PRCP: variants seen among roughly 807,000 people sequenced by gnomAD.
PRCP encodes prolylcarboxypeptidase.
A neutral mutation model predicts 54.2 loss-of-function variants in PRCP; 46 were observed. That is an observed-to-expected ratio of 0.85 (90% CI 0.67 to 1.09). PRCP has a LOEUF of 1.09. PRCP is among the 50% of genes least tolerant of loss of function. PRCP has a pLI of 0.00. For synonymous variants in PRCP, 240 were observed against 212.2 expected, an observed-to-expected ratio of 1.13 and a Z score of -1.14; for missense variants, 613 against 596.8, an observed-to-expected ratio of 1.03 and a Z score of -0.28.
intron 8 of PRCP, chr11:82,835,478 C>T (rs1858498159): frequency 4.5e-6 from 1 of 223,552 alleles, no homozygotes; most frequent in Non-Finnish European, 8.8e-6. Flanking sequence ...TGTCCGAGTT[C>T]CCATGTGCTA....
intron 1 of PRCP, among the ~76,000 whole-genome samples, chr11:82,861,881 T>A (rs1229361208): frequency 6.6e-6 from 1 of 152,142 alleles, no homozygotes; most frequent in Non-Finnish European, 1.5e-5. Flanking sequence ...AATGTGTAAT[T>A]TTAATATGGA....
chr11:82,887,141 T>C (rs1022757591), intron 1 of PRCP, among the ~76,000 whole-genome samples: 1 of 152,210 alleles, frequency 6.6e-6, no homozygotes, highest in Non-Finnish European at 1.5e-5. Context: ...TCTCCCTTCT[T>C]CTAGTTCACT....
chr11:82,883,712 A>G (rs2121249020), intron 1 of PRCP, among the ~76,000 whole-genome samples: 1 of 152,348 alleles, frequency 6.6e-6, no homozygotes, highest in South Asian at 2.1e-4. Context: ...GTGTGTAAGC[A>G]AAGATGAGAC....
chr11:82,855,394 G>A (rs1436890197), intron 2 of PRCP, among the ~76,000 whole-genome samples: 5 of 151,878 alleles, frequency 3.3e-5, no homozygotes, highest in African/African-American at 1.2e-4. Flanking sequence ...TGAGGTGGGC[G>A]GATCACAAGG....
chr11:82,850,639 T>C (rs1858933374), intron 3 of PRCP, 134 bp from the exon 4 acceptor site: 1 of 584,246 alleles, frequency 1.7e-6, no homozygotes, highest in Non-Finnish European at 2.6e-6. Flanking sequence ...TGAGCTAAAA[T>C]GCCTAGTCAA....
chr11:82,849,955 A>G lies in PRCP; in HGVS notation c.710T>C (p.Ile237Thr). 6.5e-7 allele frequency: 1 copy of G among 1,532,714 alleles called. No homozygotes were observed. The highest frequency in any genetic ancestry group is 1.3e-5 in the South Asian group (1 of 78,236). The allele number at this position is 1,532,714 out of a possible 1,614,324, so 94.9% of individuals were successfully genotyped here. A position where few individuals can be genotyped will look rare whatever the true frequency, so the allele number is the denominator to read the frequency against. ...ATTAATGGCATCCCAGGACCTGTGG[A>G]TGCTCTCTGAACAATGTGGACCGCT... ...RKSGPHCSES[I>T]HRSWDAINRL... Residue 237 changes from isoleucine to threonine, a missense_variant, in exon 5 of 9, where the codon ATC (isoleucine) becomes ACC (threonine). Ile to Thr is a moderately conservative substitution (Grantham distance 89). Coordinates refer to ENST00000313010, the MANE Select transcript of PRCP (RefSeq NM_005040.4).
At chr11:82,842,922 A>G (rs1329715728) in intron 6 of PRCP, among the ~76,000 whole-genome samples, 1 of 152,198 alleles carries the variant, frequency 6.6e-6, no homozygotes, top group Non-Finnish European at 1.5e-5. Flanking sequence ...GCACTTCCTT[A>G]ACAATTTTGG....
At chr11:82,889,293 G>A (rs773989963) in intron 1 of PRCP, among the ~76,000 whole-genome samples, 7 of 151,988 alleles carry the variant, frequency 4.6e-5, no homozygotes, top group Non-Finnish European at 1.0e-4. Flanking sequence ...GGGAGTTTGA[G>A]GCCAAGTCTG....
At chr11:82,830,004 T>C (rs1015243606) in intron 8 of PRCP, 44 of 152,228 alleles carry the variant, frequency 2.9e-4, no homozygotes, top group African/African-American at 1.1e-3. Flanking sequence ...TGTACATTTT[T>C]ACTAGCTGAA....
At chr11:82,839,529 A>G in intron 6 of PRCP, 104 bp from the exon 7 acceptor site, 1 of 1,258,072 alleles carries the variant, frequency 7.9e-7, no homozygotes, top group Non-Finnish European at 1.1e-6. Context: ...ATCATAAAAT[A>G]TTCTTAAGCT....
At chr11:82,844,745 A>AG in intron 6 of PRCP, among the ~76,000 whole-genome samples, 2 of 149,442 alleles carry the variant, frequency 1.3e-5, no homozygotes, top group African/African-American at 2.5e-5. Flanking sequence ...AAAAAAAAAA[A>AG]AAAAAGAAAG....
intron 5 of PRCP, among the ~76,000 whole-genome samples, 196 bp from the exon 6 acceptor site, chr11:82,849,414 C>G (rs923272070): frequency 6.6e-6 from 1 of 152,102 alleles, no homozygotes. Context: ...AATTAGTATT[C>G]AGAATTATTC....
intron 1 of PRCP, among the ~76,000 whole-genome samples, chr11:82,899,031 C>T: frequency 6.6e-6 from 1 of 152,146 alleles, no homozygotes; most frequent in East Asian, 1.9e-4. Context: ...TTCTGGAAGT[C>T]TATGACATCC....
intron 1 of PRCP, among the ~76,000 whole-genome samples, chr11:82,895,730 G>C (rs1368022268): frequency 6.6e-6 from 1 of 152,144 alleles, no homozygotes; most frequent in Non-Finnish European, 1.5e-5. Flanking sequence ...AAATTTAAAG[G>C]AGGAGGAGAA....
At chr11:82,878,274 G>A (rs1314378727) in intron 1 of PRCP, among the ~76,000 whole-genome samples, 1 of 152,186 alleles carries the variant, frequency 6.6e-6, no homozygotes, top group Non-Finnish European at 1.5e-5. Flanking sequence ...TTGGACTGTG[G>A]ACTTTTGGGT....
intron 1 of PRCP, among the ~76,000 whole-genome samples, chr11:82,864,668 C>A (rs962715243): frequency 6.6e-6 from 1 of 152,178 alleles, no homozygotes; most frequent in Non-Finnish European, 1.5e-5. Flanking sequence ...AGGAAACAAA[C>A]CTCTCTAGTC....
In PRCP at chr11:82,825,089, T is replaced by C. The variant is rs1858192070; in HGVS notation, c.1308A>G (p.Gly436=). 1.9e-6 allele frequency: 3 copies of C among 1,613,782 alleles called. No homozygotes were observed. The highest frequency in any genetic ancestry group is 2.7e-5 in the African/African-American group (2 of 74,904). ...GAGTGTCTGTGATATCCTTAGTTACTCCACCTCCTGACCAGGGGTCTAGTT... is the reference window on the plus strand; with the variant it reads ...GAGTGTCTGTGATATCCTTAGTTACCCCACCTCCTGACCAGGGGTCTAGTT... ...NGELDPWSGG[G]VTKDITDTLV... Residue 436 remains glycine, a synonymous_variant, in exon 9 of 9, where the codon GGA becomes GGG. Transcript: ENST00000313010.
rs545722505 is a variant in PRCP at position 82,851,019 on chromosome 11, GA to G, written c.412-515del. On this transcript the variant is annotated intron_variant, in intron 3 of 8. Transcript: ENST00000313010. The stretch of plus-strand genomic sequence containing the variant: ...TTTTAAACAATTATAAAATTGGAAA[GA>G]AAAAAAAACTATTTTCAGGTATTGG... Among the ~76,000 whole-genome samples, 580 of 150,368 alleles carry G rather than the reference GA, an allele frequency of 3.9e-3. 4 individuals are homozygous for G. The highest frequency in any genetic ancestry group is 0.013 in the African/African-American group (549 of 41,002).
At chr11:82,878,718 C>T (rs1350352563) in intron 1 of PRCP, among the ~76,000 whole-genome samples, 4 of 152,170 alleles carry the variant, frequency 2.6e-5, no homozygotes, top group African/African-American at 4.8e-5. Flanking sequence ...CCTTCAGGAA[C>T]GCTTGTAGGG....
Sources: allele counts gnomAD v4.1 joint callset (sites outside exome capture counted in the v4.1 genomes callset), GRCh38; gene constraint gnomAD v4.1.1; transcripts MANE v1.5; gene names NCBI Gene and HGNC (gene_info 2026-07-23, HGNC 2026-07-21).